The following ZNF469 variants were observed in gnomAD, a reference collection of about 807,000 sequenced individuals.
ZNF469 encodes zinc finger protein 469.
Under a neutral mutation model 1.0 loss-of-function variants are expected in ZNF469, and 1 was observed. The ratio of observed to expected loss-of-function variants is 1.00; its 90% CI spans 0.35 to 4.73. ZNF469 has a LOEUF of 4.73. Among genes scored for constraint, ZNF469 ranks in the 30% most tolerant of loss-of-function variants. ZNF469 has a pLI of 0.16. For missense variants in ZNF469, 6,100 were observed against 5,356.3 expected, an observed-to-expected ratio of 1.14 and a Z score of -4.33; for synonymous variants, 2,703 against 2,363.4, an observed-to-expected ratio of 1.14 and a Z score of -4.17.
chr16:88,312,441 G>A, the ZNF469 span, among the ~76,000 whole-genome samples: 1 of 152,098 alleles, frequency 6.6e-6, no homozygotes, highest in Non-Finnish European at 1.5e-5. Context: ...TTAATCCCCT[G>A]TTTCTGATAT....
chr16:88,245,997 C>T, the ZNF469 span, among the ~76,000 whole-genome samples: 9 of 152,378 alleles, frequency 5.9e-5, no homozygotes, highest in Middle Eastern at 3.4e-3. Context: ...GCAGAGAGGA[C>T]GCATCCGCCT....
At chr16:88,240,592 A>T in the ZNF469 span, among the ~76,000 whole-genome samples, 2 of 152,196 alleles carry the variant, frequency 1.3e-5, no homozygotes, top group South Asian at 4.2e-4. Flanking sequence ...AGAGCGAGAG[A>T]AGCGTCTCTG....
intron 1 of ZNF469, among the ~76,000 whole-genome samples, chr16:88,386,838 G>A (rs1904342434): frequency 6.6e-6 from 1 of 152,074 alleles, no homozygotes; most frequent in South Asian, 2.1e-4. Context: ...GTGAGGATGG[G>A]GCTCTGTGAA....
chr16:88,163,118 T>G, the ZNF469 span, among the ~76,000 whole-genome samples: 1 of 145,672 alleles, frequency 6.9e-6, no homozygotes, highest in Non-Finnish European at 1.5e-5. Context: ...GATGTATGAG[T>G]GGCATAAGTG....
the ZNF469 span, among the ~76,000 whole-genome samples, chr16:88,291,325 T>A: frequency 6.6e-6 from 1 of 151,928 alleles, no homozygotes; most frequent in African/African-American, 2.4e-5. Flanking sequence ...CTACACACAC[T>A]TGTTTGATGC....
chr16:88,249,597 G>A, the ZNF469 span, among the ~76,000 whole-genome samples: 11 of 151,132 alleles, frequency 7.3e-5, no homozygotes, highest in Admixed American at 3.3e-4. Context: ...CCACCACGCC[G>A]GGCCAATTTT....
chr16:88,366,403 T>C, the ZNF469 span, among the ~76,000 whole-genome samples: 1 of 126,138 alleles, frequency 7.9e-6, no homozygotes, highest in Non-Finnish European at 1.7e-5. Context: ...CATCATCACC[T>C]TCACCAACAC....
At chr16:88,168,573 C>G in the ZNF469 span, among the ~76,000 whole-genome samples, 1 of 152,166 alleles carries the variant, frequency 6.6e-6, no homozygotes, top group East Asian at 1.9e-4. This position sits in a 1 kb window ranked among gnomAD's most constrained non-coding sequence, Gnocchi z 4.3. Context: ...TTAATAGTCC[C>G]TTTTCTCTTG....
the ZNF469 span, among the ~76,000 whole-genome samples, chr16:88,343,407 G>A: frequency 6.6e-5 from 10 of 152,224 alleles, no homozygotes; most frequent in Non-Finnish European, 1.2e-4. Context: ...CGCTTGCCCA[G>A]GAAGTAGCAC....
the ZNF469 span, among the ~76,000 whole-genome samples, chr16:88,208,582 A>G: frequency 1.0e-4 from 4 of 38,828 alleles, no homozygotes; most frequent in African/African-American, 3.2e-4. Context: ...AGGGAAGGAG[A>G]GAGGGAGGGA....
chr16:88,400,276 AGT>A, intron 1 of ZNF469, among the ~76,000 whole-genome samples: 1 of 152,348 alleles, frequency 6.6e-6, no homozygotes, highest in East Asian at 1.9e-4. Context: ...TTGGAGCCTC[AGT>A]GTCCTGTGGC....
At chr16:88,318,845 C>T in the ZNF469 span, among the ~76,000 whole-genome samples, 1 of 152,258 alleles carries the variant, frequency 6.6e-6, no homozygotes, top group Non-Finnish European at 1.5e-5. Flanking sequence ...CCCCAGCGTC[C>T]AGACGGCCAT....
chr16:88,208,030 C>G, the ZNF469 span, among the ~76,000 whole-genome samples: 11,239 of 152,170 alleles, frequency 0.074, 499 homozygotes, highest in African/African-American at 0.13. Flanking sequence ...AATTTCATGA[C>G]GACTGAAGAG....
At chr16:88,364,991 A>C in the ZNF469 span, among the ~76,000 whole-genome samples, 1 of 152,206 alleles carries the variant, frequency 6.6e-6, no homozygotes, top group Non-Finnish European at 1.5e-5. Context: ...ATGAGTGAAT[A>C]AAAAGGCTTG....
At chr16:88,410,846 C>G (rs1905138688) in intron 1 of ZNF469, among the ~76,000 whole-genome samples, 1 of 152,118 alleles carries the variant, frequency 6.6e-6, no homozygotes, top group Non-Finnish European at 1.5e-5. Flanking sequence ...AAGCGATGAC[C>G]CGACAGGTGT....
the ZNF469 span, among the ~76,000 whole-genome samples, chr16:88,179,164 G>A: frequency 6.6e-6 from 1 of 152,144 alleles, no homozygotes; most frequent in Admixed American, 6.6e-5. Flanking sequence ...TGGTTTGGAC[G>A]TGTGTCCCCT....
chr16:88,149,833 A>G, the ZNF469 span, among the ~76,000 whole-genome samples: 8 of 152,104 alleles, frequency 5.3e-5, no homozygotes, highest in African/African-American at 1.9e-4. Flanking sequence ...ACTGGTCTAT[A>G]AACTCCTTTG....
chr16:88,102,756 G>A, the ZNF469 span, among the ~76,000 whole-genome samples: 1 of 152,238 alleles, frequency 6.6e-6, no homozygotes, highest in Non-Finnish European at 1.5e-5. Context: ...CCTCCCTGGG[G>A]TAGGTGGGGG....
chr16:88,267,355 G>C, the ZNF469 span, among the ~76,000 whole-genome samples: 3 of 151,462 alleles, frequency 2.0e-5, no homozygotes, highest in Non-Finnish European at 4.4e-5. Flanking sequence ...GCCTCACTTC[G>C]GTGCCAGTCG....
Sources: allele counts gnomAD v4.1 joint callset (sites outside exome capture counted in the v4.1 genomes callset), GRCh38; gene constraint gnomAD v4.1.1; non-coding constraint Gnocchi (gnomAD v3.1); transcripts MANE v1.5; gene names NCBI Gene and HGNC (gene_info 2026-07-23, HGNC 2026-07-21).